MAGI2: variants seen among roughly 807,000 people sequenced by gnomAD.
MAGI2 encodes the protein membrane-associated guanylate kinase, WW and PDZ domain-containing protein 2.
In MAGI2, 35 loss-of-function variants were observed where a neutral mutation model predicts 133.3. That is an observed-to-expected ratio of 0.26 (90% CI 0.20 to 0.35). MAGI2 has a LOEUF of 0.35. Among genes scored for constraint, MAGI2 ranks in the 10% least tolerant of loss-of-function variants. MAGI2 has a pLI of 1.00. For missense variants in MAGI2, 1,636 were observed against 1,863.4 expected, an observed-to-expected ratio of 0.88 and a Z score of 2.25; for synonymous variants, 729 against 710.6, an observed-to-expected ratio of 1.03 and a Z score of -0.41.
At chr7:78,776,074 C>T (rs1030108311) in intron 2 of MAGI2, among the ~76,000 whole-genome samples, 1 of 152,200 alleles carries the variant, frequency 6.6e-6, no homozygotes, top group African/African-American at 2.4e-5. Flanking sequence ...GTTTCCACAC[C>T]TATCTTGTAG....
At chr7:79,290,999 G>A (rs4727837) in intron 1 of MAGI2, among the ~76,000 whole-genome samples, 151,341 of 152,166 alleles carry the variant, frequency 0.99, 75,270 homozygotes, top group Middle Eastern at 1. Flanking sequence ...GAATTGTGGA[G>A]CTATCACTAT....
chr7:78,759,971 C>T (rs913104058), intron 2 of MAGI2, among the ~76,000 whole-genome samples: 2 of 151,980 alleles, frequency 1.3e-5, no homozygotes, highest in African/African-American at 4.8e-5. Context: ...AAAAATTAGC[C>T]GAGCGTGGTG....
At chr7:79,016,421 T>A (rs1400999043) in intron 1 of MAGI2, among the ~76,000 whole-genome samples, 1 of 151,984 alleles carries the variant, frequency 6.6e-6, no homozygotes, top group African/African-American at 2.4e-5. Context: ...GTGGCACGCA[T>A]CATAGCTCCT....
chr7:79,097,967 CA>C (rs1554359665), intron 1 of MAGI2, among the ~76,000 whole-genome samples: 1 of 152,038 alleles, frequency 6.6e-6, no homozygotes, highest in Non-Finnish European at 1.5e-5. Flanking sequence ...ACCAAAAATA[CA>C]AAACTTAGCC....
At chr7:78,074,458 C>T (rs1252467994) in intron 21 of MAGI2, among the ~76,000 whole-genome samples, 1 of 151,890 alleles carries the variant, frequency 6.6e-6, no homozygotes. Context: ...ATAGGGATAT[C>T]AAAAGGAGGA....
intron 2 of MAGI2, among the ~76,000 whole-genome samples, chr7:78,639,452 T>C (rs1248939129): frequency 6.6e-6 from 1 of 152,122 alleles, no homozygotes; most frequent in Non-Finnish European, 1.5e-5. Context: ...CACTAGGAGC[T>C]TTGGATGAGG....
chr7:78,753,673 G>T (rs1263816254), intron 2 of MAGI2, among the ~76,000 whole-genome samples: 1 of 150,960 alleles, frequency 6.6e-6, no homozygotes, highest in Non-Finnish European at 1.5e-5. Flanking sequence ...ACTAGTTACG[G>T]ATTTCTTTGT....
chr7:78,182,046 A>G (rs1430020071), intron 13 of MAGI2, among the ~76,000 whole-genome samples: 3 of 152,350 alleles, frequency 2.0e-5, no homozygotes, highest in South Asian at 2.1e-4. Flanking sequence ...AAACATGTCA[A>G]TTAAAATTTG....
chr7:79,208,155 C>T (rs1829217628), intron 1 of MAGI2, among the ~76,000 whole-genome samples: 1 of 151,892 alleles, frequency 6.6e-6, no homozygotes, highest in Non-Finnish European at 1.5e-5. Flanking sequence ...ATCCCCAAAA[C>T]ACAGGCAACA....
intron 1 of MAGI2, among the ~76,000 whole-genome samples, chr7:79,053,602 T>C (rs991178712): frequency 4.6e-5 from 7 of 152,176 alleles, no homozygotes; most frequent in African/African-American, 1.7e-4. Flanking sequence ...ATGGAATGTA[T>C]CCTAAGTATT....
chr7:78,710,545 G>T (rs989734674), intron 2 of MAGI2, among the ~76,000 whole-genome samples: 1 of 152,104 alleles, frequency 6.6e-6, no homozygotes, highest in Non-Finnish European at 1.5e-5. Flanking sequence ...TCCATGGCAC[G>T]ATAATACCAA....
At chr7:78,092,166 C>T (rs945617101) in intron 20 of MAGI2, among the ~76,000 whole-genome samples, 5 of 152,142 alleles carry the variant, frequency 3.3e-5, no homozygotes, top group African/African-American at 1.2e-4. Context: ...ACTCATGTCT[C>T]TGAGGTCTAC....
intron 1 of MAGI2, among the ~76,000 whole-genome samples, chr7:79,286,527 T>G (rs1288817542): frequency 6.6e-6 from 1 of 152,010 alleles, no homozygotes; most frequent in Admixed American, 6.6e-5. Context: ...CAATCAATGA[T>G]GCAAATTGAC....
intron 21 of MAGI2, among the ~76,000 whole-genome samples, chr7:78,044,099 CATT>C (rs1246169902): frequency 6.6e-6 from 1 of 152,174 alleles, no homozygotes; most frequent in African/African-American, 2.4e-5. Flanking sequence ...AGGAGGACAT[CATT>C]ATTCTATTAT....
At position 78,389,150 on chromosome 7, in the gene MAGI2, T is replaced by G. The variant is rs76626430; in HGVS notation, c.1046-19937A>C. Among the ~76,000 whole-genome samples, 74 of 152,264 alleles carry G rather than the reference T, an allele frequency of 4.9e-4. No homozygotes were observed. In the East Asian group the frequency reaches 0.013, roughly 27 times the overall value. On this transcript the variant is annotated intron_variant, in intron 6 of 21. Transcript: ENST00000354212. ...GCTACTTTATCAGTGTTAATAAAATTAACATGTACTCAGCAACTTAATAGA... is the reference window on the plus strand; with the variant it reads ...GCTACTTTATCAGTGTTAATAAAATGAACATGTACTCAGCAACTTAATAGA...
intron 1 of MAGI2, among the ~76,000 whole-genome samples, chr7:79,230,683 T>C (rs1398040345): frequency 6.6e-6 from 1 of 151,952 alleles, no homozygotes; most frequent in African/African-American, 2.4e-5. Context: ...TTGTAGATTC[T>C]GGATATTAGC....
intron 2 of MAGI2, among the ~76,000 whole-genome samples, chr7:78,676,827 C>T (rs1183409926): frequency 6.6e-6 from 1 of 152,002 alleles, no homozygotes; most frequent in Non-Finnish European, 1.5e-5. Flanking sequence ...TTCAGAACTA[C>T]CGTAAATAAT....
At chr7:78,480,812 C>A (rs1221676139) in intron 6 of MAGI2, among the ~76,000 whole-genome samples, 1 of 151,806 alleles carries the variant, frequency 6.6e-6, no homozygotes, top group Non-Finnish European at 1.5e-5. Context: ...AAACACAATA[C>A]CCATTTACAT....
intron 7 of MAGI2, among the ~76,000 whole-genome samples, chr7:78,360,835 C>T (rs1792701700): frequency 6.6e-6 from 1 of 152,166 alleles, no homozygotes; most frequent in Non-Finnish European, 1.5e-5. Context: ...AGGCCATTCT[C>T]GAGTTCTCAT....
Sources: gnomAD v4.1 joint callset for allele counts (sites outside exome capture counted in the v4.1 genomes callset) on GRCh38, gnomAD v4.1.1 for gene constraint, MANE v1.5 for transcripts, NCBI Gene and HGNC (gene_info 2026-07-23, HGNC 2026-07-21) for gene names.